KDM6A: variants seen among roughly 807,000 people sequenced by gnomAD.
KDM6A encodes the protein lysine demethylase 6A.
In KDM6A, 11 loss-of-function variants were observed where a neutral mutation model predicts 117.6. The observed-to-expected ratio is 0.09, with a 90% CI of 0.06 to 0.15. KDM6A has a LOEUF of 0.15. KDM6A is among the 10% of genes least tolerant of loss of function. The pLI is 1.00. For synonymous variants in KDM6A, 384 were observed against 396.1 expected, an observed-to-expected ratio of 0.97 and a Z score of 0.36; for missense variants, 799 against 1,077.3, an observed-to-expected ratio of 0.74 and a Z score of 3.62.
chrX:44,907,071 ATAGTGTTGTAT>A (rs1357836965), intron 2 of KDM6A, among the ~76,000 whole-genome samples: 1 of 110,118 alleles, frequency 9.1e-6, no homozygotes, highest in East Asian at 2.8e-4. Context: ...CTTCTTGTCC[ATAGTGTTGTAT>A]CTTTGTGTTA....
chrX:44,942,829 C>T (rs1035231511), intron 2 of KDM6A, among the ~76,000 whole-genome samples: 3 of 110,269 alleles, frequency 2.7e-5, no homozygotes, highest in East Asian at 5.7e-4. Flanking sequence ...ATTTCAAATT[C>T]CAATTGTTCA....
At chrX:45,099,286 CA>C (rs1415381409) in intron 27 of KDM6A, among the ~76,000 whole-genome samples, 15 of 98,671 alleles carry the variant, frequency 1.5e-4, no homozygotes, top group African/African-American at 4.3e-4. Flanking sequence ...CCCAACTATC[CA>C]AAAATGTCTT....
At chrX:44,882,648 GTTTTTA>G (rs1319572798) in intron 2 of KDM6A, among the ~76,000 whole-genome samples, 1 of 112,289 alleles carries the variant, frequency 8.9e-6, no homozygotes, top group Non-Finnish European at 1.9e-5. Context: ...AGTCTGGATA[GTTTTTA>G]TTTTTAGGGA....
intron 3 of KDM6A, among the ~76,000 whole-genome samples, chrX:44,962,831 C>CT (rs1459433613): frequency 8.9e-6 from 1 of 112,189 alleles, no homozygotes; most frequent in Non-Finnish European, 1.9e-5. Context: ...AAGTTCTAAT[C>CT]TTTTTGCTGA....
intron 5 of KDM6A, among the ~76,000 whole-genome samples, chrX:45,019,932 T>C (rs767659597): frequency 1.3e-4 from 15 of 111,661 alleles, no homozygotes; most frequent in African/African-American, 4.9e-4. Context: ...CAATGTGAAT[T>C]TGGGGCAAAG....
At chrX:44,971,340 G>T (rs185558925) in intron 3 of KDM6A, among the ~76,000 whole-genome samples, 81 of 111,507 alleles carry the variant, frequency 7.3e-4, no homozygotes, top group African/African-American at 2.6e-3. Flanking sequence ...TCATCTTTAT[G>T]CAAAAAAGAT....
rs748249048 is a variant in KDM6A at position 44,907,477 on chromosome X, T to C, written c.225+33490T>C. On this transcript the variant is annotated intron_variant, in intron 2 of 29. Coordinates refer to ENST00000611820, the MANE Select transcript of KDM6A (RefSeq NM_001291415.2). ...TGTGTGTGTGTGTGTGTGGTTTTTTTTTTCTTTTTTTTTTTTTTTCTGAGA... is the reference window on the plus strand; with the variant it reads ...TGTGTGTGTGTGTGTGTGGTTTTTTCTTTCTTTTTTTTTTTTTTTCTGAGA... Among the ~76,000 whole-genome samples the C allele has an allele frequency of 1.8e-4, 19 of 104,894 alleles. No homozygotes were observed. In the East Asian group the frequency reaches 5.6e-3, roughly 31 times the overall value. 91.1% of individuals were successfully genotyped at this position (104,894 alleles called of 115,157 possible).
chrX:45,086,157 T>G (rs2045631192), intron 25 of KDM6A, 178 bp downstream of exon 25: 1 of 412,088 alleles, frequency 2.4e-6, no homozygotes, highest in Non-Finnish European at 4.3e-6. Context: ...TTGGAAATAC[T>G]TTAAGAAAGA....
At chrX:45,018,109 A>G (rs779770884) in intron 5 of KDM6A, among the ~76,000 whole-genome samples, 8 of 111,578 alleles carry the variant, frequency 7.2e-5, no homozygotes, top group African/African-American at 2.3e-4. Context: ...CTTAAGTGCA[A>G]CATGGAGATT....
intron 2 of KDM6A, among the ~76,000 whole-genome samples, chrX:44,879,836 G>A (rs1019277465): frequency 4.5e-5 from 5 of 112,015 alleles, no homozygotes; most frequent in East Asian, 2.8e-4. Context: ...TTAGATGTTA[G>A]CAAGGCATCT....
At chrX:44,932,267 G>A (rs1275876088) in intron 2 of KDM6A, among the ~76,000 whole-genome samples, 1 of 105,459 alleles carries the variant, frequency 9.5e-6, no homozygotes, top group African/African-American at 3.5e-5. Context: ...GATAATTTTT[G>A]TATTTTTAGT....
chrX:44,917,358 G>A (rs1398145116), intron 2 of KDM6A, among the ~76,000 whole-genome samples: 2 of 111,717 alleles, frequency 1.8e-5, no homozygotes, highest in Non-Finnish European at 3.8e-5. Flanking sequence ...TGATAGCACA[G>A]TAGAATTGTC....
At chrX:45,047,549 C>T (rs2043600008) in intron 8 of KDM6A, among the ~76,000 whole-genome samples, 1 of 106,040 alleles carries the variant, frequency 9.4e-6, no homozygotes, top group African/African-American at 3.4e-5. Context: ...TTCAGATTAA[C>T]ATTTTTTCAA....
chrX:45,018,674 C>G (rs1249814814), intron 5 of KDM6A, among the ~76,000 whole-genome samples: 1 of 111,233 alleles, frequency 9.0e-6, no homozygotes, highest in Non-Finnish European at 1.9e-5. Context: ...CCTGACATAC[C>G]CTTTGTTATA....
At chrX:45,036,187 A>G (rs1057198806) in intron 7 of KDM6A, among the ~76,000 whole-genome samples, 9 of 111,399 alleles carry the variant, frequency 8.1e-5, no homozygotes, top group Admixed American at 1.9e-4. Flanking sequence ...GTGTCAGAGT[A>G]GCTCAGCTAC....
Position 45,069,935 on chromosome X carries a change from C to T in KDM6A, c.2436C>T (p.Cys812=), listed in dbSNP as rs144511145. ...HVHQMTADAV[C]SPSHGDSKSP... The stretch of plus-strand genomic sequence containing the variant: ...ATCAGATGACGGCAGATGCTGTTTG[C>T]AGTCCTAGCCATGGAGATTCTAAGT... The change falls in exon 18 of 30, where the codon TGC becomes TGT. Residue 812 remains cysteine, a synonymous_variant. Transcript: ENST00000611820. 9.8e-5 allele frequency: 118 copies of T among 1,209,976 alleles called. No homozygotes were observed. Among genetic ancestry groups the T allele is most frequent in the Non-Finnish European group, 1.3e-4 (112 of 895,042 alleles).
At chrX:44,911,735 A>C (rs886586613) in intron 2 of KDM6A, among the ~76,000 whole-genome samples, 4 of 111,848 alleles carry the variant, frequency 3.6e-5, no homozygotes, top group Non-Finnish European at 5.7e-5. Context: ...AGCCTGGGCA[A>C]CATTGAGCAC....
intron 2 of KDM6A, among the ~76,000 whole-genome samples, chrX:44,956,700 G>A (rs1365454901): frequency 2.7e-5 from 3 of 111,947 alleles, no homozygotes; most frequent in East Asian, 2.8e-4. Flanking sequence ...GTGAGCCATC[G>A]TGCCTGGCCA....
In KDM6A at chrX:45,088,561, TA is replaced by T. The variant is rs1233700300; in HGVS notation, c.3705-1176del. Reference sequence around the variant, plus strand: ...ATAGTTTGCCAACCCTTGATCTAGATAAAAAATTAAATTTAAACCAGTAAAA... The same window carrying T: ...ATAGTTTGCCAACCCTTGATCTAGATAAAAATTAAATTTAAACCAGTAAAA... On this transcript the variant is annotated intron_variant, in intron 25 of 29. Transcript: ENST00000611820. 2.6e-5 allele frequency among the ~76,000 whole-genome samples: 3 copies of T among 113,479 alleles called. 1 individual carries two copies. The South Asian group carries it at 1.0e-3, about 40-fold the overall frequency.
Sources: gnomAD v4.1 joint callset for allele counts (sites outside exome capture counted in the v4.1 genomes callset) on GRCh38, gnomAD v4.1.1 for gene constraint, MANE v1.5 for transcripts, NCBI Gene and HGNC (gene_info 2026-07-23, HGNC 2026-07-21) for gene names.